The following IQSEC1 variants were observed in gnomAD, a reference collection of about 807,000 sequenced individuals.
IQSEC1 encodes IQ motif and SEC7 domain-containing protein 1.
In IQSEC1, 31 loss-of-function variants were observed where a neutral mutation model predicts 91.0. That is an observed-to-expected ratio of 0.34 (90% CI 0.26 to 0.46). The LOEUF is 0.46. Among genes scored for constraint, IQSEC1 ranks in the 20% least tolerant of loss-of-function variants. The pLI, the probability that IQSEC1 is intolerant of heterozygous loss-of-function variation, is 1.00. For missense variants in IQSEC1, 1,388 were observed against 1,575.6 expected, an observed-to-expected ratio of 0.88 and a Z score of 2.02; for synonymous variants, 699 against 662.6, an observed-to-expected ratio of 1.05 and a Z score of -0.84.
intron 1 of IQSEC1, among the ~76,000 whole-genome samples, chr3:13,248,690 T>A (rs969784499): frequency 6.6e-6 from 1 of 152,190 alleles, no homozygotes; most frequent in African/African-American, 2.4e-5. Context: ...GTATAAATCT[T>A]GGGATAGCAC....
rs191073164 is a variant in IQSEC1, at chr3:13,272,317, T to C, written c.272+10394A>G. On this transcript the variant is annotated intron_variant, in intron 1 of 15. Coordinates refer to the IQSEC1 transcript ENST00000648114. ...TAGCCAGTCATCAAGGTTGCTATTA[T>C]TGCTCATCAACAATGGAGGGGTGGC... Among the ~76,000 whole-genome samples the C allele has an allele frequency of 9.8e-5, 15 of 152,360 alleles. No individual in the cohort carries two copies. The East Asian group carries it at 2.5e-3, about 25-fold the overall frequency.
intron 1 of IQSEC1, among the ~76,000 whole-genome samples, chr3:13,254,737 C>A (rs1282662598): frequency 6.6e-6 from 1 of 152,222 alleles, no homozygotes; most frequent in African/African-American, 2.4e-5. Context: ...TACTGCCCAG[C>A]GAGCAGCAGG....
At position 12,900,649 on chromosome 3, in the gene IQSEC1, C is replaced by T; in HGVS notation, c.*334G>A. On this transcript the variant is annotated 3_prime_UTR_variant, in exon 14 of 14. Transcript: ENST00000613206. ...TAGGTTGGGTTTTCATATGCATGTA[C>T]ATTAGGGCACAGGGAGCTGAGAGCT... The T allele has an allele frequency of 1.6e-6, 2 of 1,217,722 alleles. No homozygotes were observed. The highest frequency in any genetic ancestry group is 2.1e-6 in the Non-Finnish European group (2 of 971,978). 75.4% of individuals were successfully genotyped at this position (1,217,722 alleles called of 1,614,324 possible).
At chr3:12,930,106 T>TA (rs1697536057) in intron 3 of IQSEC1, among the ~76,000 whole-genome samples, 1 of 152,206 alleles carries the variant, frequency 6.6e-6, no homozygotes, top group Non-Finnish European at 1.5e-5. Flanking sequence ...GGGGAACACC[T>TA]ACCTGCTGGA....
At chr3:13,245,818 G>A (rs972408522) in intron 1 of IQSEC1, among the ~76,000 whole-genome samples, 8 of 150,850 alleles carry the variant, frequency 5.3e-5, no homozygotes, top group East Asian at 3.9e-4. Flanking sequence ...AAGTGAAGCC[G>A]TTTCGCAATC....
intron 13 of IQSEC1, 72 bp from the exon 14 acceptor site, chr3:12,901,594 TC>T (rs953594582): frequency 7.6e-7 from 1 of 1,308,448 alleles, no homozygotes; most frequent in African/African-American, 1.5e-5. Flanking sequence ...TTTTTTTTTT[TC>T]AAATGTAAAA....
At chr3:13,128,832 G>A (rs1041792038) in intron 2 of IQSEC1, among the ~76,000 whole-genome samples, 7 of 138,694 alleles carry the variant, frequency 5.0e-5, no homozygotes, top group African/African-American at 2.0e-4. Flanking sequence ...AGCCGAGATT[G>A]CACCACTGCA....
At chr3:13,189,333 G>C (rs1417004722) in intron 1 of IQSEC1, among the ~76,000 whole-genome samples, 3 of 152,208 alleles carry the variant, frequency 2.0e-5, no homozygotes, top group African/African-American at 7.2e-5. Context: ...ACCCAGCCCT[G>C]GGGTGAACCC....
intron 1 of IQSEC1, among the ~76,000 whole-genome samples, chr3:13,194,517 T>C (rs1046083284): frequency 1.3e-5 from 2 of 152,296 alleles, no homozygotes; most frequent in South Asian, 2.1e-4. Flanking sequence ...CAGGGCCAGC[T>C]GCTTCCTGTC....
chr3:13,195,979 A>G (rs1175880924), intron 1 of IQSEC1, among the ~76,000 whole-genome samples: 2 of 152,212 alleles, frequency 1.3e-5, no homozygotes, highest in South Asian at 2.1e-4. Flanking sequence ...TTATGACTAC[A>G]TGTGAATCTA....
intron 1 of IQSEC1, among the ~76,000 whole-genome samples, chr3:13,178,452 A>C (rs1693778131): frequency 6.6e-6 from 1 of 152,252 alleles, no homozygotes; most frequent in Admixed American, 6.5e-5. Context: ...ACCATAGACT[A>C]GGTGGCTTAT....
intron 2 of IQSEC1, among the ~76,000 whole-genome samples, chr3:13,091,181 C>T (rs1274469092): frequency 6.6e-6 from 1 of 152,196 alleles, no homozygotes; most frequent in Non-Finnish European, 1.5e-5. Flanking sequence ...CCTGCACTCC[C>T]TACGCCATCG....
At chr3:12,930,360 A>G (rs1371374563) in intron 3 of IQSEC1, among the ~76,000 whole-genome samples, 1 of 152,156 alleles carries the variant, frequency 6.6e-6, no homozygotes, top group African/African-American at 2.4e-5. Flanking sequence ...GTGGAAGTGG[A>G]TGGATGCCCA....
chr3:12,966,985 T>C (rs940788267), intron 1 of IQSEC1, among the ~76,000 whole-genome samples: 6 of 151,558 alleles, frequency 4.0e-5, no homozygotes, highest in Admixed American at 3.9e-4. Context: ...TCCCACCAAC[T>C]CTCCGCTCTC....
intron 2 of IQSEC1, among the ~76,000 whole-genome samples, chr3:13,120,400 C>G (rs1427104193): frequency 1.3e-5 from 2 of 152,108 alleles, no homozygotes; most frequent in African/African-American, 4.8e-5. Flanking sequence ...AGACACGGGC[C>G]AAGTAGGGCA....
chr3:13,177,505 G>A (rs529471482), intron 1 of IQSEC1, among the ~76,000 whole-genome samples: 17 of 152,320 alleles, frequency 1.1e-4, no homozygotes, highest in South Asian at 4.1e-4. Flanking sequence ...GATTTACCCC[G>A]GGACACCAGC....
intron 2 of IQSEC1, among the ~76,000 whole-genome samples, chr3:13,110,763 C>CTG (rs1706231587): frequency 1.3e-5 from 2 of 152,210 alleles, no homozygotes; most frequent in African/African-American, 4.8e-5. Context: ...CCAGCTTCCC[C>CTG]AGCCTCAGCC....
chr3:12,936,269 C>G lies in IQSEC1; in HGVS notation c.747G>C (p.Leu249=). The stretch of plus-strand genomic sequence containing the variant: ...CCAGGGCCGGTGCCTCCTCAGTGTG[C>G]AGGCTGCGGCAGTTGAGGGCATCGT... ...SIDDALNCRS[L]HTEEAPALDA... Residue 249 remains leucine, a synonymous_variant, in exon 3 of 14, where the codon CTG becomes CTC. Transcript: ENST00000613206. 1.2e-6 allele frequency: 2 copies of G among 1,613,320 alleles called. No individual in the cohort carries two copies. The highest frequency in any genetic ancestry group is 1.7e-6 in the Non-Finnish European group (2 of 1,179,988).
At chr3:12,954,517 G>A (rs974676592) in intron 1 of IQSEC1, among the ~76,000 whole-genome samples, 1 of 152,192 alleles carries the variant, frequency 6.6e-6, no homozygotes, top group African/African-American at 2.4e-5. Context: ...CCCCTCAGCA[G>A]GAGGGAAGGA....
Sources: gnomAD v4.1 joint callset for allele counts (sites outside exome capture counted in the v4.1 genomes callset) on GRCh38, gnomAD v4.1.1 for gene constraint, MANE v1.5 for transcripts, NCBI Gene and HGNC (gene_info 2026-07-23, HGNC 2026-07-21) for gene names.